Variants in SAMD4A observed in about 807,000 individuals in gnomAD.
SAMD4A encodes the protein protein Smaug homolog 1.
A neutral mutation model predicts 81.3 loss-of-function variants in SAMD4A; 33 were observed. That is an observed-to-expected ratio of 0.41 (90% CI 0.31 to 0.54). SAMD4A has a LOEUF of 0.54. Among genes scored for constraint, SAMD4A ranks in the 20% least tolerant of loss-of-function variants. The probability of loss-of-function intolerance (pLI) is 0.37; values close to 1 mark genes in which losing one functional copy is unlikely to be tolerated. For synonymous variants in SAMD4A, 389 were observed against 382.1 expected, an observed-to-expected ratio of 1.02 and a Z score of -0.21; for missense variants, 854 against 951.1, an observed-to-expected ratio of 0.90 and a Z score of 1.34.
At chr14:54,604,278 C>T (rs1348933859) in intron 2 of SAMD4A, among the ~76,000 whole-genome samples, 1 of 152,162 alleles carries the variant, frequency 6.6e-6, no homozygotes, top group Non-Finnish European at 1.5e-5. Flanking sequence ...TCCCACAATG[C>T]CTTTTAACAA....
chr14:54,613,074 G>A (rs1441625895), intron 2 of SAMD4A, among the ~76,000 whole-genome samples: 3 of 151,636 alleles, frequency 2.0e-5, no homozygotes, highest in Non-Finnish European at 4.4e-5. Flanking sequence ...TTGAGATCAC[G>A]CCACTGCACT....
intron 2 of SAMD4A, among the ~76,000 whole-genome samples, chr14:54,639,251 G>A (rs1275184119): frequency 1.3e-5 from 2 of 152,202 alleles, no homozygotes; most frequent in African/African-American, 4.8e-5. Flanking sequence ...GTGGGGGCAC[G>A]AAATAACCGG....
At chr14:54,638,178 C>T (rs2035081622) in intron 2 of SAMD4A, among the ~76,000 whole-genome samples, 1 of 152,206 alleles carries the variant, frequency 6.6e-6, no homozygotes, top group African/African-American at 2.4e-5. Flanking sequence ...TTTGCTTAAG[C>T]AAGTCACACA....
chr14:54,584,834 A>G (rs912038225), intron 2 of SAMD4A, among the ~76,000 whole-genome samples: 2 of 152,222 alleles, frequency 1.3e-5, no homozygotes, highest in African/African-American at 4.8e-5. Context: ...TATTAAGTAT[A>G]CTTTCTCTTG....
intron 2 of SAMD4A, among the ~76,000 whole-genome samples, chr14:54,634,715 ATCTATCTG>A (rs773043667): frequency 0.085 from 10,484 of 122,764 alleles, 449 homozygotes; most frequent in African/African-American, 0.11. Context: ...CTATCTATCT[ATCTATCTG>A]TCTGTCTGTC....
At chr14:54,740,540 G>T (rs944208047) in intron 4 of SAMD4A, among the ~76,000 whole-genome samples, 3 of 152,220 alleles carry the variant, frequency 2.0e-5, no homozygotes, top group Non-Finnish European at 4.4e-5. Flanking sequence ...GCCAACAGCT[G>T]TGAATATCTC....
chr14:54,735,751 G>A (rs1466617001), intron 3 of SAMD4A, among the ~76,000 whole-genome samples: 2 of 152,186 alleles, frequency 1.3e-5, no homozygotes, highest in African/African-American at 4.8e-5. Context: ...ACAGTAATCT[G>A]CCCAGGCCTT....
chr14:54,587,495 G>A (rs753906434), intron 2 of SAMD4A, among the ~76,000 whole-genome samples: 9 of 152,108 alleles, frequency 5.9e-5, no homozygotes, highest in African/African-American at 1.4e-4. Flanking sequence ...GGGTATCCTC[G>A]TCATGTTCCA....
chr14:54,586,638 A>T (rs570742933), intron 2 of SAMD4A, among the ~76,000 whole-genome samples: 202 of 152,220 alleles, frequency 1.3e-3, no homozygotes, highest in African/African-American at 4.5e-3. Flanking sequence ...TCGTTTTTCT[A>T]CATGTGGCTT....
At chr14:54,675,792 G>C (rs1308380990) in intron 2 of SAMD4A, among the ~76,000 whole-genome samples, 2 of 151,428 alleles carry the variant, frequency 1.3e-5, no homozygotes, top group Non-Finnish European at 2.9e-5. Flanking sequence ...TAATTGGCCT[G>C]TTTTAATACT....
intron 3 of SAMD4A, among the ~76,000 whole-genome samples, chr14:54,707,608 T>C (rs938677132): frequency 6.6e-6 from 1 of 151,932 alleles, no homozygotes; most frequent in African/African-American, 2.4e-5. Flanking sequence ...TGATAGGTGA[T>C]GTGGAAATAA....
intron 7 of SAMD4A, among the ~76,000 whole-genome samples, chr14:54,764,064 A>G (rs2038475110): frequency 6.6e-6 from 1 of 152,214 alleles, no homozygotes; most frequent in Non-Finnish European, 1.5e-5. Context: ...GCGCTCATTC[A>G]TAAAATCACG....
At chr14:54,771,387 G>A (rs979563177) in intron 9 of SAMD4A, among the ~76,000 whole-genome samples, 6 of 152,192 alleles carry the variant, frequency 3.9e-5, no homozygotes, top group Admixed American at 3.9e-4. Context: ...TTGGGGATTT[G>A]AACCAGGCAG....
At chr14:54,601,844 C>T (rs890198174) in intron 2 of SAMD4A, among the ~76,000 whole-genome samples, 4 of 152,206 alleles carry the variant, frequency 2.6e-5, no homozygotes, top group African/African-American at 9.7e-5. Context: ...ACATCACTAT[C>T]CTAAGAACTA....
At chr14:54,732,886 GAAA>G (rs1405740125) in intron 3 of SAMD4A, among the ~76,000 whole-genome samples, 7 of 152,150 alleles carry the variant, frequency 4.6e-5, no homozygotes, top group African/African-American at 1.7e-4. Flanking sequence ...TAAATATTCT[GAAA>G]CATCTTTTCC....
chr14:54,669,528 C>T (rs545800422), intron 2 of SAMD4A, among the ~76,000 whole-genome samples: 13 of 140,352 alleles, frequency 9.3e-5, no homozygotes, highest in African/African-American at 1.3e-4. Flanking sequence ...GTGCGATCAT[C>T]GCTCACTGCA....
chr14:54,654,488 C>A (rs563506148), intron 2 of SAMD4A, among the ~76,000 whole-genome samples: 1 of 152,252 alleles, frequency 6.6e-6, no homozygotes, highest in South Asian at 2.1e-4. Context: ...ATTTTGTGAT[C>A]TAACCATTTA....
At chr14:54,681,097 C>T (rs1173561443) in intron 2 of SAMD4A, among the ~76,000 whole-genome samples, 2 of 152,202 alleles carry the variant, frequency 1.3e-5, no homozygotes, top group South Asian at 2.1e-4. Flanking sequence ...CAAGCATCAG[C>T]TTAACCTCAG....
chr14:54,589,993 C>G (rs1459794728), intron 2 of SAMD4A, among the ~76,000 whole-genome samples: 1 of 152,140 alleles, frequency 6.6e-6, no homozygotes, highest in African/African-American at 2.4e-5. Flanking sequence ...TCATCCAAAC[C>G]GTATGCTAGA....
Sources: gnomAD v4.1 joint callset for allele counts (sites outside exome capture counted in the v4.1 genomes callset) on GRCh38, gnomAD v4.1.1 for gene constraint, MANE v1.5 for transcripts, NCBI Gene and HGNC (gene_info 2026-07-23, HGNC 2026-07-21) for gene names.